The following ANKS1B variants were observed in gnomAD, a reference collection of about 807,000 sequenced individuals.
ANKS1B encodes the protein ankyrin repeat and sterile alpha motif domain containing 1B.
A neutral mutation model predicts 148.3 loss-of-function variants in ANKS1B; 36 were observed. That is an observed-to-expected ratio of 0.24 (90% CI 0.19 to 0.32). The LOEUF is 0.32. Among genes scored for constraint, ANKS1B ranks in the 10% least tolerant of loss-of-function variants. The pLI, the probability that ANKS1B is intolerant of heterozygous loss-of-function variation, is 1.00. For synonymous variants in ANKS1B, 542 were observed against 560.8 expected (o/e 0.97, Z 0.47); for missense variants, 1,157 against 1,542.6 (o/e 0.75, Z 4.19).
At chr12:99,316,514 G>C (rs747005360) in intron 12 of ANKS1B, among the ~76,000 whole-genome samples, 1 of 152,038 alleles carries the variant, frequency 6.6e-6, no homozygotes, top group Non-Finnish European at 1.5e-5. Context: ...TTTTTGATGG[G>C]GTTGTTTGAT....
intron 9 of ANKS1B, among the ~76,000 whole-genome samples, chr12:99,565,256 C>T (rs919852488): frequency 6.6e-6 from 1 of 152,098 alleles, no homozygotes; most frequent in African/African-American, 2.4e-5. Flanking sequence ...AGATGAGCTC[C>T]AAGTCTAAAA....
intron 1 of ANKS1B, among the ~76,000 whole-genome samples, chr12:99,948,658 G>A (rs12830848): frequency 6.6e-6 from 1 of 152,092 alleles, no homozygotes; most frequent in Admixed American, 6.5e-5. Context: ...CCCATCAAAG[G>A]AAAAATCAAG....
At chr12:99,867,976 A>G (rs1359767813) in intron 1 of ANKS1B, among the ~76,000 whole-genome samples, 2 of 152,242 alleles carry the variant, frequency 1.3e-5, no homozygotes, top group Non-Finnish European at 2.9e-5. Flanking sequence ...ACCATGATCA[A>G]GCTGGGTCTA....
chr12:99,911,700 A>G (rs2094009446), intron 1 of ANKS1B, among the ~76,000 whole-genome samples: 1 of 152,202 alleles, frequency 6.6e-6, no homozygotes, highest in Non-Finnish European at 1.5e-5. Flanking sequence ...TAAAAAACCC[A>G]ACGTACTCAT....
At chr12:99,834,400 G>A (rs942414136) in intron 1 of ANKS1B, among the ~76,000 whole-genome samples, 13 of 152,120 alleles carry the variant, frequency 8.5e-5, no homozygotes, top group African/African-American at 3.1e-4. Context: ...TTCTGTATGT[G>A]AGAATTACTG....
chr12:99,730,860 C>T (rs2059070483), intron 8 of ANKS1B, among the ~76,000 whole-genome samples: 1 of 152,160 alleles, frequency 6.6e-6, no homozygotes, highest in Non-Finnish European at 1.5e-5. Context: ...ATTTAAATGT[C>T]CGTAAGACTA....
At chr12:99,524,383 G>C (rs373839037) in intron 9 of ANKS1B, among the ~76,000 whole-genome samples, 1 of 152,074 alleles carries the variant, frequency 6.6e-6, no homozygotes, top group African/African-American at 2.4e-5. Context: ...AATACATTAC[G>C]TAACACATAG....
rs181544735 is a variant in ANKS1B, at chr12:99,049,574, T to G, written c.2778+3583A>C. Among the ~76,000 whole-genome samples, 669 of 152,174 alleles carry G rather than the reference T, an allele frequency of 4.4e-3. 3 individuals are homozygous for G. The highest frequency in any genetic ancestry group is 0.011 in the South Asian group (51 of 4,814). On this transcript the variant is annotated intron_variant, in intron 17 of 26. Transcript: ENST00000683438. ...GAAAATCTCTTAGCACATCTCCAAG[T>G]GGTTAGCTTTCCTGGGAAAGCTGGA...
chr12:99,341,260 A>G (rs1357457367), intron 12 of ANKS1B: 1 of 152,156 alleles, frequency 6.6e-6, no homozygotes, highest in African/African-American at 2.4e-5. Flanking sequence ...TATTTGGAGC[A>G]GAAGTGAATC....
chr12:99,383,849 C>CA (rs1160915276), intron 12 of ANKS1B, among the ~76,000 whole-genome samples: 1,278 of 77,632 alleles, frequency 0.016, 31 homozygotes, highest in African/African-American at 0.043. Context: ...CCCATCTCTA[C>CA]AAAAAAAAAA....
chr12:98,766,034 A>G (rs2153455316), intron 25 of ANKS1B, among the ~76,000 whole-genome samples: 1 of 152,372 alleles, frequency 6.6e-6, no homozygotes, highest in South Asian at 2.1e-4. Flanking sequence ...ATACATGCAT[A>G]AATGCTGCAA....
intron 9 of ANKS1B, among the ~76,000 whole-genome samples, chr12:99,558,461 G>A (rs1437621206): frequency 3.3e-5 from 5 of 152,148 alleles, no homozygotes; most frequent in Admixed American, 2.6e-4. Flanking sequence ...GTGTCAAGGG[G>A]GGAGGGGAGG....
intron 1 of ANKS1B, among the ~76,000 whole-genome samples, chr12:99,832,851 C>G (rs1360300631): frequency 6.6e-6 from 1 of 152,024 alleles, no homozygotes; most frequent in African/African-American, 2.4e-5. Context: ...TTCATTCACA[C>G]TATGAAATGT....
intron 1 of ANKS1B, among the ~76,000 whole-genome samples, chr12:99,847,104 T>C (rs1371273396): frequency 6.6e-6 from 1 of 151,710 alleles, no homozygotes; most frequent in Non-Finnish European, 1.5e-5. Flanking sequence ...CTCTCTTTTT[T>C]CTTTCTTTTT....
chr12:99,475,223 T>G (rs2096298961), intron 10 of ANKS1B, among the ~76,000 whole-genome samples: 1 of 148,092 alleles, frequency 6.8e-6, no homozygotes, highest in East Asian at 2.0e-4. Flanking sequence ...CCAGCCTGGG[T>G]GACAGAGTCA....
At chr12:99,321,641 C>T (rs978861537) in intron 12 of ANKS1B, among the ~76,000 whole-genome samples, 17 of 152,178 alleles carry the variant, frequency 1.1e-4, no homozygotes, top group African/African-American at 3.4e-4. Context: ...TTCCCCAACC[C>T]CTTGCACTTC....
rs185465996 is a variant in ANKS1B, at chr12:99,551,809, A to T, written c.1273-47168T>A. 2.0e-3 allele frequency among the ~76,000 whole-genome samples: 308 copies of T among 152,286 alleles called. 1 individual carries two copies. Among genetic ancestry groups the T allele is most frequent in the Non-Finnish European group, 3.0e-3 (205 of 68,010 alleles). Reference sequence around the variant, plus strand: ...CTATATCCAATATTTACTGTCTCCTAGCCATTTTCCACAGTTCAGCCTAGT... The same window carrying T: ...CTATATCCAATATTTACTGTCTCCTTGCCATTTTCCACAGTTCAGCCTAGT... On this transcript the variant is annotated intron_variant, in intron 9 of 26. Coordinates refer to ENST00000683438, the MANE Select transcript of ANKS1B (RefSeq NM_001352186.2).
chr12:98,869,903 T>C (rs1157065698), intron 17 of ANKS1B, among the ~76,000 whole-genome samples: 1 of 152,150 alleles, frequency 6.6e-6, no homozygotes. Flanking sequence ...AAACCTTCTG[T>C]TTCACATGAA....
intron 9 of ANKS1B, among the ~76,000 whole-genome samples, chr12:99,560,158 T>C (rs114313577): frequency 0.012 from 1,772 of 152,230 alleles, 49 homozygotes; most frequent in African/African-American, 0.041. Flanking sequence ...AATTCACTGC[T>C]TTCTGAAGAG....
Sources: gnomAD v4.1 joint callset for allele counts (sites outside exome capture counted in the v4.1 genomes callset) on GRCh38, gnomAD v4.1.1 for gene constraint, MANE v1.5 for transcripts, NCBI Gene and HGNC (gene_info 2026-07-23, HGNC 2026-07-21) for gene names.